The following SUFU variants were observed in gnomAD, a reference collection of about 807,000 sequenced individuals.
SUFU encodes the protein SUFU negative regulator of hedgehog signaling.
In SUFU, 7 loss-of-function variants were observed where a neutral mutation model predicts 58.9. That is an observed-to-expected ratio of 0.12 (90% CI 0.07 to 0.22). The LOEUF is 0.22. Among genes scored for constraint, SUFU ranks in the 10% least tolerant of loss-of-function variants. SUFU has a pLI of 1.00. For missense variants in SUFU, 451 were observed against 641.3 expected (o/e 0.70, Z 3.20); for synonymous variants, 232 against 254.8 (o/e 0.91, Z 0.85).
chr10:102,553,000 G>A (rs1304202223), intron 3 of SUFU, among the ~76,000 whole-genome samples: 2 of 152,162 alleles, frequency 1.3e-5, no homozygotes, highest in African/African-American at 4.8e-5. Context: ...GGCCCTTTCT[G>A]TACCTGATGG....
At chr10:102,593,913 A>C in intron 5 of SUFU, 80 bp from the exon 6 acceptor site, 1 of 1,549,682 alleles carries the variant, frequency 6.5e-7, no homozygotes, top group Non-Finnish European at 8.9e-7. Flanking sequence ...GGCCTGGGGC[A>C]GCAAACAGGG....
chr10:102,529,690 A>G (rs2062654138), intron 2 of SUFU, among the ~76,000 whole-genome samples: 1 of 151,842 alleles, frequency 6.6e-6, no homozygotes, highest in African/African-American at 2.4e-5. Context: ...TCTACTAAAA[A>G]TACAAATATT....
At chr10:102,573,208 C>T (rs2063180772) in intron 3 of SUFU, 18 of 739,480 alleles carry the variant, frequency 2.4e-5, no homozygotes, top group South Asian at 2.3e-4. Context: ...GAGCTTCCTT[C>T]TTTGCTTTCG....
At chr10:102,622,727 G>A (rs1176963562) in intron 10 of SUFU, among the ~76,000 whole-genome samples, 1 of 151,980 alleles carries the variant, frequency 6.6e-6, no homozygotes, top group African/African-American at 2.4e-5. Context: ...GCTGAGGCAG[G>A]AGAATGGCAT....
intron 2 of SUFU, among the ~76,000 whole-genome samples, chr10:102,519,486 C>A: frequency 7.0e-6 from 1 of 143,468 alleles, no homozygotes. Context: ...GAGATCATGC[C>A]ATTGCACTCC....
rs1424866532 is a variant in SUFU at position 102,619,511 on chromosome 10, G to A, written c.1296+2083G>A. On this transcript the variant is annotated intron_variant, in intron 10 of 11. Transcript: ENST00000369902. The surrounding 1 kb of genome is among the most constrained non-coding windows in gnomAD (Gnocchi z 4.2). ...CATTAGTGTGGTCCACCACGGGGCC[G>A]GCTCACAGGAGAGCTCCTGGGAAGG... 25 of 1,122,394 alleles carry A rather than the reference G, an allele frequency of 2.2e-5. No homozygotes were observed. Among genetic ancestry groups the A allele is most frequent in the East Asian group, 4.6e-5 (1 of 21,854 alleles). The allele number at this position is 1,122,394 out of a possible 1,614,324, so 69.5% of individuals were successfully genotyped here.
chr10:102,511,969 C>T (rs1260775494), intron 2 of SUFU, among the ~76,000 whole-genome samples: 1 of 152,202 alleles, frequency 6.6e-6, no homozygotes, highest in African/African-American at 2.4e-5. Flanking sequence ...GCCTTGGCCT[C>T]CCAGAGTGTT....
intron 2 of SUFU, among the ~76,000 whole-genome samples, chr10:102,531,137 C>A (rs2062673611): frequency 6.6e-6 from 1 of 151,678 alleles, no homozygotes; most frequent in Non-Finnish European, 1.5e-5. Flanking sequence ...CACATGTAGT[C>A]CCAGCTACTC....
intron 8 of SUFU, among the ~76,000 whole-genome samples, chr10:102,612,850 G>T (rs1204900794): frequency 2.0e-5 from 3 of 152,174 alleles, no homozygotes; most frequent in Admixed American, 1.3e-4. Context: ...GTGAAAGAAG[G>T]CTTGACAACA....
chr10:102,593,945 C>T (rs2063433221), intron 5 of SUFU, 48 bp from the exon 6 acceptor site: 2 of 1,607,854 alleles, frequency 1.2e-6, no homozygotes, highest in African/African-American at 1.3e-5. Flanking sequence ...CCCAGCCCAT[C>T]AGCCCCAGAC....
chr10:102,565,519 A>G (rs542436404), intron 3 of SUFU, among the ~76,000 whole-genome samples: 5 of 152,254 alleles, frequency 3.3e-5, no homozygotes, highest in African/African-American at 1.2e-4. Context: ...AACTACATTA[A>G]ATGACTTGAA....
chr10:102,605,160 G>T (rs2063551417), intron 8 of SUFU, among the ~76,000 whole-genome samples: 1 of 151,618 alleles, frequency 6.6e-6, no homozygotes, highest in African/African-American at 2.4e-5. Context: ...CTTATGATCT[G>T]CCCGCCTCAG....
intron 8 of SUFU, among the ~76,000 whole-genome samples, chr10:102,605,326 G>C (rs761464214): frequency 1.3e-5 from 2 of 152,034 alleles, no homozygotes; most frequent in African/African-American, 2.4e-5. Context: ...ACCAGCCTGG[G>C]CAACATGGCA....
intron 3 of SUFU, among the ~76,000 whole-genome samples, chr10:102,568,939 T>A (rs79443865): frequency 6.9e-5 from 3 of 43,756 alleles, no homozygotes; most frequent in Non-Finnish European, 8.8e-5. Flanking sequence ...TATATATATA[T>A]ATATATATAT....
At chr10:102,516,965 A>T (rs2062478110) in intron 2 of SUFU, among the ~76,000 whole-genome samples, 1 of 151,554 alleles carries the variant, frequency 6.6e-6, no homozygotes, top group East Asian at 2.0e-4. Flanking sequence ...TCTACTAAAA[A>T]TACAAAAATT....
chr10:102,529,327 C>T (rs2062649961), intron 2 of SUFU, among the ~76,000 whole-genome samples: 2 of 152,192 alleles, frequency 1.3e-5, no homozygotes, highest in South Asian at 2.1e-4. Flanking sequence ...TGGGAGGGAC[C>T]CAAGGTCAGG....
Position 102,529,923 on chromosome 10 carries a change from G to A in SUFU, c.318-20047G>A, listed in dbSNP as rs979478833. Among the ~76,000 whole-genome samples, 25 of 148,472 alleles carry A rather than the reference G, an allele frequency of 1.7e-4. No homozygotes were observed. In the East Asian group the frequency reaches 2.0e-3, roughly 12 times the overall value. ...TCGCGCCACTGCACTCCAGCCTAGC[G>A]ACAGAGTGAGACTCCGTCTCAAAAA... On this transcript the variant is annotated intron_variant, in intron 2 of 11. Transcript: ENST00000369902.
intron 1 of SUFU, among the ~76,000 whole-genome samples, chr10:102,507,194 C>T (rs566452828): frequency 2.6e-5 from 4 of 152,208 alleles, no homozygotes; most frequent in Non-Finnish European, 5.9e-5. Context: ...GGTTAAGCTT[C>T]TCTCCTTGAT....
chr10:102,570,451 C>T (rs1399715938), intron 3 of SUFU, among the ~76,000 whole-genome samples: 1 of 152,128 alleles, frequency 6.6e-6, no homozygotes, highest in Non-Finnish European at 1.5e-5. Context: ...CCATGTTGAC[C>T]AGGCTGGTCT....
Sources: gnomAD v4.1 joint callset for allele counts (sites outside exome capture counted in the v4.1 genomes callset) on GRCh38, gnomAD v4.1.1 for gene constraint, Gnocchi (gnomAD v3.1) non-coding constraint, MANE v1.5 for transcripts, NCBI Gene and HGNC (gene_info 2026-07-23, HGNC 2026-07-21) for gene names.